The following ABLIM2 variants were observed in gnomAD, a reference collection of about 807,000 sequenced individuals.
ABLIM2 encodes actin binding LIM protein family member 2.
A neutral mutation model predicts 97.7 loss-of-function variants in ABLIM2; 53 were observed. The observed-to-expected ratio is 0.54, with a 90% CI of 0.44 to 0.68. ABLIM2 has a LOEUF of 0.68. Among genes scored for constraint, ABLIM2 ranks in the 30% least tolerant of loss-of-function variants. ABLIM2 has a pLI of 0.00. For missense variants in ABLIM2, 835 were observed against 867.2 expected, an observed-to-expected ratio of 0.96 and a Z score of 0.47; for synonymous variants, 361 against 345.8, an observed-to-expected ratio of 1.04 and a Z score of -0.49.
In ABLIM2 at chr4:8,072,096, C is replaced by G. The variant is rs1369190232; in HGVS notation, c.675+5532G>C. ...CCACGCCGCCACAGACTCGCCTCCC[C>G]GGCAGAGGCGAAAACAAAAGCATTA... is the stretch of plus-strand genomic sequence containing the variant. On this transcript the variant is annotated intron_variant, in intron 6 of 20. Coordinates refer to ENST00000447017, the MANE Select transcript of ABLIM2 (RefSeq NM_001130083.2). The surrounding 1 kb of genome is among the most constrained non-coding windows in gnomAD (Gnocchi z 5.8). The G allele has an allele frequency of 2.0e-6, 2 of 981,354 alleles. No individual in the cohort carries two copies. Among genetic ancestry groups the G allele is most frequent in the Non-Finnish European group, 2.4e-6 (2 of 826,268 alleles). 60.8% of individuals were successfully genotyped at this position (981,354 alleles called of 1,614,324 possible).
intron 1 of ABLIM2, among the ~76,000 whole-genome samples, chr4:8,143,063 C>T (rs1324863115): frequency 2.0e-5 from 3 of 151,770 alleles, no homozygotes; most frequent in Non-Finnish European, 4.4e-5. Flanking sequence ...CCTGGCAATA[C>T]CGGCTCTTGT....
At chr4:8,059,765 G>A (rs1435101536) in intron 7 of ABLIM2, among the ~76,000 whole-genome samples, 2 of 152,066 alleles carry the variant, frequency 1.3e-5, no homozygotes, top group South Asian at 4.2e-4. Context: ...AATTAGCCGG[G>A]TATGGTGGTG....
intron 6 of ABLIM2, chr4:8,066,397 G>GGAAGGAAT (rs1807651360): frequency 7.1e-6 from 1 of 141,782 alleles, no homozygotes; most frequent in Non-Finnish European, 1.5e-5. Flanking sequence ...AAGGAAGGAA[G>GGAAGGAAT]GAAGGAAGGA....
Position 8,058,572 on chromosome 4 carries a change from C to T in ABLIM2, c.763+2395G>A, listed in dbSNP as rs1189130079. Among the ~76,000 whole-genome samples the T allele has an allele frequency of 6.6e-6, 1 of 152,208 alleles. No individual in the cohort carries two copies. Among genetic ancestry groups the T allele is most frequent in the Admixed American group, 6.5e-5 (1 of 15,292 alleles). The stretch of plus-strand genomic sequence containing the variant: ...ATGAAGTCACAATAGCAGACCTGTC[C>T]TCGCCGGGGCCCCTATGCCCCGTCC... On this transcript the variant is annotated intron_variant, in intron 7 of 20. Coordinates refer to ENST00000447017, the MANE Select transcript of ABLIM2 (RefSeq NM_001130083.2). The surrounding 1 kb of genome is among the most constrained non-coding windows in gnomAD (Gnocchi z 4.2).
rs1472803115 is a variant in ABLIM2, at chr4:7,995,153, A to G, written c.1619-2226T>C. On this transcript the variant is annotated intron_variant, in intron 16 of 20. Coordinates refer to ENST00000447017, the MANE Select transcript of ABLIM2 (RefSeq NM_001130083.2). ...ATCATCTCACACCAGTTAGAATGGC[A>G]ATCATTAAAAAGTCAGGGAAGCATT... Among the ~76,000 whole-genome samples, 4 of 56,312 alleles carry G rather than the reference A, an allele frequency of 7.1e-5. 1 individual carries two copies. The South Asian group carries it at 3.1e-3, about 44-fold the overall frequency. The allele number at this position is 56,312 out of a possible 152,430, so 36.9% of individuals were successfully genotyped here. A position where few individuals can be genotyped will look rare whatever the true frequency, so the allele number is the denominator to read the frequency against.
intron 4 of ABLIM2, 109 bp from the exon 5 acceptor site, chr4:8,080,911 G>A (rs1283755543): frequency 7.3e-6 from 10 of 1,379,310 alleles, no homozygotes; most frequent in East Asian, 2.4e-5. Flanking sequence ...CGGGAGGGGC[G>A]GGACAGACCA....
intron 3 of ABLIM2, among the ~76,000 whole-genome samples, chr4:8,091,804 A>G (rs1380133116): frequency 1.2e-5 from 1 of 86,302 alleles, no homozygotes; most frequent in East Asian, 3.3e-4. Flanking sequence ...GAATTAATAT[A>G]TTATATATTA....
chr4:8,076,218 G>T (rs1190118334), intron 6 of ABLIM2, among the ~76,000 whole-genome samples: 1 of 152,254 alleles, frequency 6.6e-6, no homozygotes, highest in Non-Finnish European at 1.5e-5. Context: ...AGAGTTGCTG[G>T]ATGCGGGTTT....
chr4:7,983,468 T>G (rs2149685381), intron 19 of ABLIM2, 79 bp downstream of exon 19: 1 of 1,596,564 alleles, frequency 6.3e-7, no homozygotes, highest in Non-Finnish European at 8.5e-7. Context: ...ATTTCATAGG[T>G]AAAGCACAAC....
Position 8,087,653 on chromosome 4 carries a change from A to G in ABLIM2, c.454+516T>C, listed in dbSNP as rs1390876756. On this transcript the variant is annotated intron_variant, in intron 4 of 20. Transcript: ENST00000447017. This position sits in a 1 kb window ranked among gnomAD's most constrained non-coding sequence, Gnocchi z 4.6. ...AGGCTTCCTGGAGGAGGTATGCTAG[A>G]GCTGGGCAAAAGCAGCAGTGGACAT... Among the ~76,000 whole-genome samples, 1 of 152,142 alleles carries G rather than the reference A, an allele frequency of 6.6e-6. No homozygotes were observed. The highest frequency in any genetic ancestry group is 1.5e-5 in the Non-Finnish European group (1 of 68,022).
At chr4:8,116,320 G>A (rs1842755840) in intron 1 of ABLIM2, among the ~76,000 whole-genome samples, 1 of 152,212 alleles carries the variant, frequency 6.6e-6, no homozygotes, top group African/African-American at 2.4e-5. Flanking sequence ...CTCTCTCTGT[G>A]CATGCCCCCC....
Position 8,029,659 on chromosome 4 carries a change from G to C in ABLIM2, c.1165C>G (p.Pro389Ala), listed in dbSNP as rs1779621558. ...GAGGAACCAGGGGGCCAAGTACCTG[G>C]ACGGCTGTAGTGCTGTGGTGACCGT... ...TSRSPQHYSR[P>A]AGTVSVGTSS... is the part of the protein sequence containing the mutation. The change falls in exon 11 of 21, where the codon CCA becomes GCA. Residue 389 changes from proline to alanine, a missense_variant. By Grantham distance (27) the Pro-to-Ala change is conservative. Coordinates refer to ENST00000447017, the MANE Select transcript of ABLIM2 (RefSeq NM_001130083.2). 2 of 1,537,100 alleles carry C rather than the reference G, an allele frequency of 1.3e-6. No homozygotes were observed. Among genetic ancestry groups the C allele is most frequent in the African/African-American group, 2.8e-5 (2 of 72,622 alleles).
Position 8,117,361 on chromosome 4 carries a change from G to T in ABLIM2, c.11-10724C>A, listed in dbSNP as rs1465287496. ...AGCCCACTGCCCCTGCCCACTGCAA[G>T]TCACACCTACAGACTCCACCCACCA... On this transcript the variant is annotated intron_variant, in intron 1 of 20. Transcript: ENST00000447017. Among the ~76,000 whole-genome samples, 13 of 152,106 alleles carry T rather than the reference G, an allele frequency of 8.5e-5. No homozygotes were observed. The East Asian group carries it at 2.5e-3, about 29-fold the overall frequency.
rs13124344 is a variant in ABLIM2 at position 8,046,325 on chromosome 4, G to T, written c.823-1084C>A. Among the ~76,000 whole-genome samples, 1,389 of 151,924 alleles carry T rather than the reference G, an allele frequency of 9.1e-3. 21 individuals carry two copies. The highest frequency in any genetic ancestry group is 0.032 in the African/African-American group (1,318 of 41,408). On this transcript the variant is annotated intron_variant, in intron 8 of 20. Transcript: ENST00000447017. The surrounding 1 kb of genome is among the most constrained non-coding windows in gnomAD (Gnocchi z 4.4). The stretch of plus-strand genomic sequence containing the variant: ...GCTGTCCCTCCCCACCTGCAGGGCA[G>T]GGGCCTCTCCTGGTTCAGCTCTCAC...
chr4:8,051,725 C>T (rs985947246), intron 8 of ABLIM2, among the ~76,000 whole-genome samples: 5 of 152,182 alleles, frequency 3.3e-5, no homozygotes, highest in Non-Finnish European at 5.9e-5. Flanking sequence ...CCAAACATGG[C>T]GATTCCTGTG....
intron 1 of ABLIM2, among the ~76,000 whole-genome samples, chr4:8,154,198 G>A (rs1176132406): frequency 9.3e-5 from 14 of 151,214 alleles, no homozygotes; most frequent in Non-Finnish European, 1.8e-4. Flanking sequence ...TCCTGACCTT[G>A]TGATCCACCC....
At chr4:8,133,438 C>A (rs968215028) in intron 1 of ABLIM2, among the ~76,000 whole-genome samples, 3 of 152,226 alleles carry the variant, frequency 2.0e-5, no homozygotes, top group Non-Finnish European at 2.9e-5. Context: ...CTCCTGCCTG[C>A]CGGTCCATAT....
chr4:8,012,257 T>A lies in ABLIM2; in HGVS notation c.1424-3155A>T. On this transcript the variant is annotated intron_variant, in intron 14 of 20. Coordinates refer to ENST00000447017, the MANE Select transcript of ABLIM2 (RefSeq NM_001130083.2). ...TCCAGCCAGCCAGGCACCCATCCAC[T>A]GATCCATCCACCCACCACCCATCCA... 1.4e-5 allele frequency among the ~76,000 whole-genome samples: 2 copies of A among 148,046 alleles called. 1 individual carries two copies. Among genetic ancestry groups the A allele is most frequent in the Admixed American group, 1.3e-4 (2 of 14,862 alleles).
rs553289099 is a variant in ABLIM2, at chr4:8,142,304, A to G, written c.10+16376T>C. Among the ~76,000 whole-genome samples the G allele has an allele frequency of 3.9e-5, 6 of 152,188 alleles. No homozygotes were observed. In the South Asian group the frequency reaches 6.2e-4, roughly 16 times the overall value. On this transcript the variant is annotated intron_variant, in intron 1 of 20. Coordinates refer to ENST00000447017, the MANE Select transcript of ABLIM2 (RefSeq NM_001130083.2). ...CCAGCTGGTCTCTCCTGCTGCCCGC[A>G]CTGCCCGAGGGCATGGACTCTGCCT...
Sources: gnomAD v4.1 joint callset for allele counts (sites outside exome capture counted in the v4.1 genomes callset) on GRCh38, gnomAD v4.1.1 for gene constraint, Gnocchi (gnomAD v3.1) non-coding constraint, MANE v1.5 for transcripts, NCBI Gene and HGNC (gene_info 2026-07-23, HGNC 2026-07-21) for gene names.